UBE2L3: variants seen among roughly 807,000 people sequenced by gnomAD.
UBE2L3 encodes ubiquitin-conjugating enzyme E2 L3.
A neutral mutation model predicts 17.8 loss-of-function variants in UBE2L3; 1 was observed. The ratio of observed to expected loss-of-function variants is 0.06; its 90% CI spans 0.02 to 0.27. The LOEUF is 0.27. Among genes scored for constraint, UBE2L3 ranks in the 10% least tolerant of loss-of-function variants. The pLI is 1.00. For missense variants in UBE2L3, 40 were observed against 192.6 expected, an observed-to-expected ratio of 0.21 and a Z score of 4.69; for synonymous variants, 44 against 68.5, an observed-to-expected ratio of 0.64 and a Z score of 1.76.
At chr22:21,558,299 C>G (rs2148389942) in intron 1 of UBE2L3, among the ~76,000 whole-genome samples, 1 of 152,284 alleles carries the variant, frequency 6.6e-6, no homozygotes, top group South Asian at 2.1e-4. Context: ...AGTAGCTCCC[C>G]CAGCTTTTCA....
chr22:21,619,986 A>G (rs983529494), intron 3 of UBE2L3, among the ~76,000 whole-genome samples: 5 of 152,182 alleles, frequency 3.3e-5, no homozygotes, highest in African/African-American at 9.7e-5. Context: ...TGAATGAACA[A>G]TATGAGCCCT....
At chr22:21,604,953 T>A (rs566712785) in intron 2 of UBE2L3, among the ~76,000 whole-genome samples, 13 of 152,224 alleles carry the variant, frequency 8.5e-5, no homozygotes, top group Admixed American at 6.5e-4. Flanking sequence ...TTCCTTCCTC[T>A]TTTTGGAAGA....
chr22:21,587,557 G>C (rs1928015616), intron 1 of UBE2L3, among the ~76,000 whole-genome samples: 1 of 152,170 alleles, frequency 6.6e-6, no homozygotes, highest in South Asian at 2.1e-4. Flanking sequence ...ATTTTGAACA[G>C]TTTTCTAGGC....
chr22:21,595,635 G>A (rs1044435249), intron 2 of UBE2L3, among the ~76,000 whole-genome samples: 4 of 152,178 alleles, frequency 2.6e-5, no homozygotes, highest in Non-Finnish European at 5.9e-5. Flanking sequence ...CGCAACTCTG[G>A]TCTATTCCCT....
chr22:21,601,468 A>G lies in UBE2L3; in HGVS notation c.123+8512A>G, dbSNP rs934691512. ...GCTGGGATTACAGGCGTGTACCACT[A>G]CGCCTGGCTAATTTTTTTGTATTTT... On this transcript the variant is annotated intron_variant, in intron 2 of 3. Coordinates refer to ENST00000342192, the MANE Select transcript of UBE2L3 (RefSeq NM_003347.4). 9.3e-5 allele frequency among the ~76,000 whole-genome samples: 14 copies of G among 151,314 alleles called. No individual in the cohort carries two copies. In the South Asian group the frequency reaches 2.5e-3, roughly 27 times the overall value.
At chr22:21,589,199 G>A (rs1428791442) in intron 1 of UBE2L3, among the ~76,000 whole-genome samples, 3 of 146,768 alleles carry the variant, frequency 2.0e-5, no homozygotes, top group Admixed American at 6.9e-5. Context: ...AGGCTGGAGT[G>A]CAGTGGCGCA....
intron 1 of UBE2L3, among the ~76,000 whole-genome samples, chr22:21,588,056 C>T (rs1928042526): frequency 6.6e-6 from 1 of 152,192 alleles, no homozygotes; most frequent in South Asian, 2.1e-4. Context: ...TTCCCTTGAA[C>T]TCTCTCTTTG....
At chr22:21,552,197 G>C (rs1234954296) in intron 1 of UBE2L3, among the ~76,000 whole-genome samples, 2 of 152,272 alleles carry the variant, frequency 1.3e-5, no homozygotes, top group African/African-American at 4.8e-5. Context: ...TCGAGACATT[G>C]ATTTTGTTTT....
intron 2 of UBE2L3, among the ~76,000 whole-genome samples, chr22:21,600,379 C>T (rs1165464462): frequency 3.3e-5 from 5 of 151,356 alleles, no homozygotes; most frequent in Non-Finnish European, 7.4e-5. Flanking sequence ...AAAGGGAATA[C>T]GATTGAACTC....
At chr22:21,551,899 GAAAC>G (rs1308389397) in intron 1 of UBE2L3, among the ~76,000 whole-genome samples, 2 of 44,224 alleles carry the variant, frequency 4.5e-5, no homozygotes, top group African/African-American at 2.7e-4. Flanking sequence ...AGCTGCAGAA[GAAAC>G]ATACACACAC....
chr22:21,596,955 A>G (rs1321485375), intron 2 of UBE2L3, among the ~76,000 whole-genome samples: 1 of 151,942 alleles, frequency 6.6e-6, no homozygotes, highest in Non-Finnish European at 1.5e-5. Flanking sequence ...GATGTAGAAC[A>G]TGTTTTTGCA....
At chr22:21,576,726 G>T (rs559798956) in intron 1 of UBE2L3, among the ~76,000 whole-genome samples, 3 of 151,834 alleles carry the variant, frequency 2.0e-5, no homozygotes, top group African/African-American at 7.3e-5. Context: ...GAGCCACTGC[G>T]CCTGGCCGAA....
chr22:21,591,171 A>C (rs2148421078), intron 1 of UBE2L3, among the ~76,000 whole-genome samples: 1 of 152,292 alleles, frequency 6.6e-6, no homozygotes, highest in South Asian at 2.1e-4. Flanking sequence ...ATGCAGGTGG[A>C]GAGGGGCCAG....
chr22:21,567,598 C>G (rs1264700380), upstream of UBE2L3: 15 of 1,500,436 alleles, frequency 1.0e-5, no homozygotes, highest in South Asian at 5.3e-5. Context: ...CACGCGCCCC[C>G]CAGCACAGTG....
At chr22:21,575,151 C>T (rs1303954170) in intron 1 of UBE2L3, among the ~76,000 whole-genome samples, 6 of 139,012 alleles carry the variant, frequency 4.3e-5, no homozygotes, top group South Asian at 2.3e-4. Context: ...CCCAGCTACT[C>T]GGGAGGCTGA....
rs547379857 is a variant in UBE2L3, at chr22:21,575,412, T to TAAA, written c.27+7658_27+7660dup. Among the ~76,000 whole-genome samples, 722 of 101,724 alleles carry TAAA rather than the reference T, an allele frequency of 7.1e-3. 12 individuals carry two copies. The highest frequency in any genetic ancestry group is 0.025 in the African/African-American group (674 of 26,798). 66.7% of individuals were successfully genotyped at this position (101,724 alleles called of 152,430 possible). ...AAACATGACGAAACCCCATCTCTACTAAAAAAAAAAAAAAAAAAATACAAA... is the reference window on the plus strand; with the variant it reads ...AAACATGACGAAACCCCATCTCTACTAAAAAAAAAAAAAAAAAAAAAATACAAA... On this transcript the variant is annotated intron_variant, in intron 1 of 3. Coordinates refer to ENST00000342192, the MANE Select transcript of UBE2L3 (RefSeq NM_003347.4).
intron 1 of UBE2L3, among the ~76,000 whole-genome samples, chr22:21,559,368 TAAAC>T (rs1237691284): frequency 1.4e-5 from 2 of 144,636 alleles, no homozygotes; most frequent in African/African-American, 2.8e-5. Context: ...AATAAATAAA[TAAAC>T]AAACAAACAA....
chr22:21,600,236 C>T (rs758632949), intron 2 of UBE2L3, among the ~76,000 whole-genome samples: 8 of 151,898 alleles, frequency 5.3e-5, no homozygotes, highest in South Asian at 2.1e-4. Flanking sequence ...TCGCTTGAAC[C>T]GGGGAGGTGG....
At chr22:21,567,620 G>C, upstream of UBE2L3, 1 of 1,533,586 alleles carries the variant, frequency 6.5e-7, no homozygotes, top group Non-Finnish European at 8.8e-7. Context: ...GAAGCACACA[G>C]TAGGTGCTCC....
Sources: allele counts gnomAD v4.1 joint callset (sites outside exome capture counted in the v4.1 genomes callset), GRCh38; gene constraint gnomAD v4.1.1; transcripts MANE v1.5; gene names NCBI Gene and HGNC (gene_info 2026-07-23, HGNC 2026-07-21).